Variants in SSPN observed in about 807,000 individuals in gnomAD.
The protein encoded by SSPN is K-ras oncogene-associated protein.
Under a neutral mutation model 19.1 loss-of-function variants are expected in SSPN, and 15 were observed. That is an observed-to-expected ratio of 0.78 (90% CI 0.52 to 1.21). The LOEUF is 1.21. Ranked by LOEUF, SSPN falls within the 50% of genes most tolerant of loss-of-function variation. The pLI is 0.00. For missense variants in SSPN, 291 were observed against 314.0 expected (o/e 0.93, Z 0.55); for synonymous variants, 147 against 140.3 (o/e 1.05, Z -0.34).
At chr12:26,157,324 T>C (rs1440111487) in intron 1 of SSPN, among the ~76,000 whole-genome samples, 3 of 152,216 alleles carry the variant, frequency 2.0e-5, no homozygotes, top group Non-Finnish European at 2.9e-5. Flanking sequence ...AGTTCTTTGA[T>C]GGCTAATTCT....
intron 1 of SSPN, among the ~76,000 whole-genome samples, chr12:26,167,717 C>G (rs1024541772): frequency 6.6e-6 from 1 of 152,206 alleles, no homozygotes; most frequent in Non-Finnish European, 1.5e-5. Flanking sequence ...GACTTAGTAA[C>G]TCATACCTGA....
chr12:26,147,253 C>T (rs1397454320), intron 1 of SSPN, among the ~76,000 whole-genome samples: 3 of 144,092 alleles, frequency 2.1e-5, no homozygotes, highest in South Asian at 4.6e-4. Flanking sequence ...AAAATGAAAA[C>T]GATAATTTTT....
chr12:26,200,476 C>T lies in SSPN; in HGVS notation c.279+4525C>T, dbSNP rs149772251. Among the ~76,000 whole-genome samples the T allele has an allele frequency of 8.0e-3, 1,225 of 152,194 alleles. 8 individuals are homozygous for T. The highest frequency in any genetic ancestry group is 0.013 in the Non-Finnish European group (887 of 68,016). On this transcript the variant is annotated intron_variant, in intron 1 of 2. Coordinates refer to ENST00000242729, the MANE Select transcript of SSPN (RefSeq NM_005086.5). The stretch of plus-strand genomic sequence containing the variant: ...TTTTAAAGCAGAATATACCATGAAA[C>T]TCACAAGCAGACATATCACATATAG...
At chr12:26,124,388 G>A (rs1328843523) in intron 1 of SSPN, 2 of 1,032,514 alleles carry the variant, frequency 1.9e-6, no homozygotes, top group African/African-American at 1.6e-5. Context: ...TACCCAGCAA[G>A]CCACTTAAAA....
Position 26,234,663 on chromosome 12 carries a change from A to T in SSPN, c.*3587A>T. ...TTGTGGATTCATTTTTCTGGCATTGATCAAATAGCAAATACAAAATAAAGC... is the reference window on the plus strand; with the variant it reads ...TTGTGGATTCATTTTTCTGGCATTGTTCAAATAGCAAATACAAAATAAAGC... On this transcript the variant is annotated 3_prime_UTR_variant, in exon 3 of 3. Transcript: ENST00000242729. 1 of 152,206 alleles carries T rather than the reference A, an allele frequency of 6.6e-6. No homozygotes were observed. The highest frequency in any genetic ancestry group is 1.9e-4 in the East Asian group (1 of 5,204). The allele number at this position is 152,206 out of a possible 1,614,324, so 9.4% of individuals were successfully genotyped here.
intron 1 of SSPN, among the ~76,000 whole-genome samples, chr12:26,139,337 T>C (rs1299497428): frequency 2.6e-5 from 4 of 152,242 alleles, no homozygotes; most frequent in Non-Finnish European, 5.9e-5. Context: ...AGTCATACAG[T>C]GAAGACATTT....
chr12:26,183,129 A>G lies in SSPN; in HGVS notation c.-30-41164A>G, dbSNP rs566888794. Among the ~76,000 whole-genome samples the G allele has an allele frequency of 1.2e-4, 18 of 152,298 alleles. No homozygotes were observed. The South Asian group carries it at 3.7e-3, about 32-fold the overall frequency. ...ATGCCAACCCTCTTCCTGACTTACA[A>G]TTTCCTGAAGAAGGTCTAAGTCATA... On this transcript the variant is annotated intron_variant, in intron 1 of 2. Transcript: ENST00000538142.
intron 1 of SSPN, among the ~76,000 whole-genome samples, chr12:26,215,255 C>A (rs1945034660): frequency 6.6e-6 from 1 of 152,156 alleles, no homozygotes; most frequent in African/African-American, 2.4e-5. Context: ...TTCCTCTATT[C>A]CCACAAATCA....
chr12:26,169,991 G>C (rs1379031526), intron 1 of SSPN, among the ~76,000 whole-genome samples: 1 of 152,170 alleles, frequency 6.6e-6, no homozygotes, highest in Non-Finnish European at 1.5e-5. Context: ...AGGGGTTCCA[G>C]AGGTGGAGAG....
intron 1 of SSPN, among the ~76,000 whole-genome samples, chr12:26,137,955 C>T (rs975525079): frequency 5.9e-5 from 9 of 151,934 alleles, no homozygotes; most frequent in Non-Finnish European, 1.0e-4. Flanking sequence ...CATGAGTCAC[C>T]GCGTCTGGCC....
intron 2 of SSPN, 82 bp from the exon 3 acceptor site, chr12:26,230,629 G>C: frequency 2.0e-6 from 3 of 1,486,062 alleles, no homozygotes; most frequent in Middle Eastern, 5.0e-4. Flanking sequence ...GGAAGAAAAA[G>C]AACAGTTTTG....
intron 1 of SSPN, among the ~76,000 whole-genome samples, chr12:26,206,892 G>A (rs1484601048): frequency 6.6e-6 from 1 of 152,178 alleles, no homozygotes; most frequent in Non-Finnish European, 1.5e-5. Context: ...GTTAGGAGTA[G>A]AAGCCACACC....
At chr12:26,201,193 A>G (rs1002925976) in intron 1 of SSPN, among the ~76,000 whole-genome samples, 7 of 151,290 alleles carry the variant, frequency 4.6e-5, no homozygotes, top group African/African-American at 1.5e-4. Flanking sequence ...CCTGGTCAAC[A>G]TGGCAATATC....
intron 1 of SSPN, among the ~76,000 whole-genome samples, chr12:26,148,815 C>T (rs1236873989): frequency 2.0e-5 from 3 of 152,126 alleles, no homozygotes; most frequent in Non-Finnish European, 4.4e-5. Context: ...TTACAGTGGA[C>T]AAAATGCTGC....
At chr12:26,227,157 C>G (rs1171881163) in intron 2 of SSPN, among the ~76,000 whole-genome samples, 1 of 152,138 alleles carries the variant, frequency 6.6e-6, no homozygotes, top group Non-Finnish European at 1.5e-5. Flanking sequence ...AAACAAGCCA[C>G]TTGATTTTAA....
chr12:26,150,933 G>A (rs1381726738), intron 1 of SSPN, among the ~76,000 whole-genome samples: 1 of 152,292 alleles, frequency 6.6e-6, no homozygotes, highest in African/African-American at 2.4e-5. Flanking sequence ...CTGCTCACTG[G>A]AGAACTCAAG....
chr12:26,154,128 C>G (rs1170163296), intron 1 of SSPN, among the ~76,000 whole-genome samples: 1 of 152,188 alleles, frequency 6.6e-6, no homozygotes, highest in Non-Finnish European at 1.5e-5. Context: ...CTCTTGAACC[C>G]GAGCAGTTGC....
At chr12:26,171,123 C>G (rs1301273171) in intron 1 of SSPN, among the ~76,000 whole-genome samples, 1 of 152,140 alleles carries the variant, frequency 6.6e-6, no homozygotes, top group South Asian at 2.1e-4. Context: ...GCTGTGGGCT[C>G]TCCTTCATGT....
intron 1 of SSPN, among the ~76,000 whole-genome samples, chr12:26,187,567 T>C (rs527718108): frequency 1.3e-5 from 2 of 152,306 alleles, no homozygotes; most frequent in African/African-American, 4.8e-5. Flanking sequence ...AGATCAGAAA[T>C]AGAACGGCAG....
Sources: allele counts gnomAD v4.1 joint callset (sites outside exome capture counted in the v4.1 genomes callset), GRCh38; gene constraint gnomAD v4.1.1; transcripts MANE v1.5; gene names NCBI Gene and HGNC (gene_info 2026-07-23, HGNC 2026-07-21).